Variants in STK3 observed in about 807,000 individuals in gnomAD.
STK3 encodes serine/threonine kinase 3.
A neutral mutation model predicts 58.0 loss-of-function variants in STK3; 41 were observed. The observed-to-expected ratio is 0.71, with a 90% CI of 0.55 to 0.92. The LOEUF (loss-of-function observed/expected upper bound fraction) is 0.92, where lower values mean the gene tolerates loss of function less well. Among genes scored for constraint, STK3 ranks in the 40% least tolerant of loss-of-function variants. STK3 has a pLI of 0.00. For synonymous variants in STK3, 170 were observed against 191.0 expected, an observed-to-expected ratio of 0.89 and a Z score of 0.91; for missense variants, 479 against 602.7, an observed-to-expected ratio of 0.79 and a Z score of 2.15.
intron 3 of STK3, among the ~76,000 whole-genome samples, chr8:98,861,053 C>T (rs1170035051): frequency 6.6e-6 from 1 of 151,904 alleles, no homozygotes; most frequent in Non-Finnish European, 1.5e-5. Context: ...GAGCAAGACT[C>T]TATCCCAAAA....
chr8:98,740,926 A>G (rs1829148751), intron 4 of STK3, among the ~76,000 whole-genome samples: 1 of 152,132 alleles, frequency 6.6e-6, no homozygotes, highest in African/African-American at 2.4e-5. Flanking sequence ...GAAAACAAAA[A>G]AAGGCAGGGG....
chr8:98,393,496 A>C (rs1432376065), intron 3 of STK3: 1 of 152,156 alleles, frequency 6.6e-6, no homozygotes, highest in Non-Finnish European at 1.5e-5. Flanking sequence ...TGTAACTTTC[A>C]GTGTAATAAG....
At chr8:98,525,882 A>T (rs1825706690) in intron 10 of STK3, among the ~76,000 whole-genome samples, 1 of 151,906 alleles carries the variant, frequency 6.6e-6, no homozygotes, top group Admixed American at 6.6e-5. Context: ...AAAATTCTTA[A>T]ATTTAAAAAA....
chr8:98,743,323 G>C (rs1443595337), intron 4 of STK3, among the ~76,000 whole-genome samples: 1 of 150,334 alleles, frequency 6.7e-6, no homozygotes, highest in African/African-American at 2.4e-5. Flanking sequence ...CATACTACCT[G>C]ACTTCAAACT....
rs79941269 is a variant in STK3 at position 98,917,423 on chromosome 8, G to A, written c.-79+24955C>T. On this transcript the variant is annotated intron_variant, in intron 1 of 1. Coordinates refer to the STK3 transcript ENST00000519420. Reference sequence around the variant, plus strand: ...GCTTCTCATCTGTAATGGATTGAACGTTTGTGACCCCCAAAAATTCATATC... The same window carrying A: ...GCTTCTCATCTGTAATGGATTGAACATTTGTGACCCCCAAAAATTCATATC... Among the ~76,000 whole-genome samples the A allele has an allele frequency of 8.1e-4, 124 of 152,258 alleles. 1 individual carries two copies. The East Asian group carries it at 0.02, about 25-fold the overall frequency.
At chr8:98,911,426 C>T (rs986885466) in intron 1 of STK3, among the ~76,000 whole-genome samples, 1 of 152,010 alleles carries the variant, frequency 6.6e-6, no homozygotes, top group African/African-American at 2.4e-5. Flanking sequence ...GAGGGTCTTG[C>T]TCTGTTACCC....
chr8:98,880,977 A>G (rs990404075), downstream of STK3: 2 of 152,224 alleles, frequency 1.3e-5, no homozygotes, highest in African/African-American at 4.8e-5. Flanking sequence ...GCTCCTTGGT[A>G]TCACCCAAAC....
chr8:98,515,048 A>C (rs886082327), intron 10 of STK3, among the ~76,000 whole-genome samples: 2 of 152,118 alleles, frequency 1.3e-5, no homozygotes, highest in East Asian at 1.9e-4. Context: ...AAATGATCTA[A>C]TCTAGATGAT....
At chr8:98,504,695 T>C (rs568974539) in intron 10 of STK3, among the ~76,000 whole-genome samples, 4 of 152,310 alleles carry the variant, frequency 2.6e-5, no homozygotes, top group African/African-American at 9.6e-5. Flanking sequence ...AATTCATTTC[T>C]TTAAGAATGT....
intron 1 of STK3, among the ~76,000 whole-genome samples, chr8:98,912,303 G>T (rs918904650): frequency 1.3e-5 from 2 of 152,034 alleles, no homozygotes; most frequent in African/African-American, 4.8e-5. Flanking sequence ...GCTTGATCCC[G>T]GGAGGAGGAG....
At chr8:98,769,258 C>T (rs1445195909) in intron 2 of STK3, among the ~76,000 whole-genome samples, 1 of 152,190 alleles carries the variant, frequency 6.6e-6, no homozygotes, top group Admixed American at 6.5e-5. Context: ...CTATGTCCCA[C>T]CCGAATCTCA....
intron 6 of STK3, among the ~76,000 whole-genome samples, chr8:98,611,895 T>C (rs995866763): frequency 6.6e-6 from 1 of 152,012 alleles, no homozygotes; most frequent in African/African-American, 2.4e-5. Context: ...TAGCACAAGT[T>C]TGGGGAATAA....
At chr8:98,796,065 G>A (rs1244507393) in intron 1 of STK3, among the ~76,000 whole-genome samples, 1 of 151,966 alleles carries the variant, frequency 6.6e-6, no homozygotes, top group Non-Finnish European at 1.5e-5. Flanking sequence ...TGGCCACACA[G>A]CCCAAAGGAA....
At position 98,794,896 on chromosome 8, in the gene STK3, C is replaced by T. The variant is rs191368953; in HGVS notation, c.27-20077G>A. 5.4e-3 allele frequency among the ~76,000 whole-genome samples: 813 copies of T among 150,932 alleles called. 2 individuals are homozygous for T. The highest frequency in any genetic ancestry group is 7.2e-3 in the Non-Finnish European group (487 of 67,708). Reference sequence around the variant, plus strand: ...CAGCCTGACCAACATGGAGAAACCCCGGCTCTACTAAAAAACCCAAGTTAG... The same window carrying T: ...CAGCCTGACCAACATGGAGAAACCCTGGCTCTACTAAAAAACCCAAGTTAG... On this transcript the variant is annotated intron_variant, in intron 1 of 10. Coordinates refer to ENST00000419617, the MANE Select transcript of STK3 (RefSeq NM_006281.4).
chr8:98,748,987 A>AAC (rs988179865), intron 4 of STK3, among the ~76,000 whole-genome samples: 5 of 151,898 alleles, frequency 3.3e-5, no homozygotes, highest in East Asian at 3.9e-4. Flanking sequence ...ATTATTAAAC[A>AAC]ACACACACAC....
chr8:98,610,368 C>T (rs1025559151), intron 6 of STK3, among the ~76,000 whole-genome samples: 3 of 152,184 alleles, frequency 2.0e-5, no homozygotes, highest in Non-Finnish European at 4.4e-5. Context: ...AAGTTCAACA[C>T]CATGAAGTAC....
chr8:98,456,126 A>G, intron 10 of STK3, 126 bp from the exon 11 acceptor site: 1 of 968,204 alleles, frequency 1.0e-6, no homozygotes, highest in Non-Finnish European at 1.5e-6. Context: ...TCTTTACATC[A>G]TCTTTGAAGT....
Position 98,825,566 on chromosome 8 carries a change from C to T in STK3, c.-26G>A. 2.1e-6 allele frequency: 3 copies of T among 1,450,860 alleles called. No individual in the cohort carries two copies. In the South Asian group the frequency reaches 3.9e-5, roughly 19 times the overall value. 89.9% of individuals were successfully genotyped at this position (1,450,860 alleles called of 1,614,324 possible). On this transcript the variant is annotated 5_prime_UTR_variant, in exon 1 of 11. Transcript: ENST00000419617. Reference sequence around the variant, plus strand: ...GGCGGCCGGGGACAGAGAGAGGGACCTGGTGGACGGCGAAGGCCGAAAGGA... The same window carrying T: ...GGCGGCCGGGGACAGAGAGAGGGACTTGGTGGACGGCGAAGGCCGAAAGGA...
intron 1 of STK3, among the ~76,000 whole-genome samples, chr8:98,930,457 CT>C (rs1228462566): frequency 6.6e-6 from 1 of 152,186 alleles, no homozygotes; most frequent in Admixed American, 6.5e-5. Context: ...GTAAATCCAA[CT>C]TTTCTGCTGC....
Sources: allele counts gnomAD v4.1 joint callset (sites outside exome capture counted in the v4.1 genomes callset), GRCh38; gene constraint gnomAD v4.1.1; transcripts MANE v1.5; gene names NCBI Gene and HGNC (gene_info 2026-07-23, HGNC 2026-07-21).